The following RBFOX1 variants were observed in gnomAD, a reference collection of about 807,000 sequenced individuals.
The protein encoded by RBFOX1 is RNA binding fox-1 homolog 1, also known as RNA binding protein fox-1 homolog 1.
A neutral mutation model predicts 57.7 loss-of-function variants in RBFOX1; 8 were observed. The ratio of observed to expected loss-of-function variants is 0.14; its 90% CI spans 0.08 to 0.25. The LOEUF (loss-of-function observed/expected upper bound fraction) is 0.25. Among genes scored for constraint, RBFOX1 ranks in the 10% least tolerant of loss-of-function variants. The pLI is 1.00. For synonymous variants in RBFOX1, 326 were observed against 222.4 expected (o/e 1.47, Z -4.15); for missense variants, 611 against 548.5 (o/e 1.11, Z -1.14).
intron 2 of RBFOX1, among the ~76,000 whole-genome samples, chr16:6,598,046 A>G (rs559555777): frequency 2.0e-4 from 31 of 152,352 alleles, no homozygotes; most frequent in African/African-American, 7.2e-4. Context: ...CTTTATGGTT[A>G]TAGTCACTTT....
At chr16:5,527,080 C>T (rs1034198749) in intron 2 of RBFOX1, among the ~76,000 whole-genome samples, 2 of 152,126 alleles carry the variant, frequency 1.3e-5, no homozygotes, top group South Asian at 4.1e-4. Flanking sequence ...ATGATAGAAA[C>T]CCAACTCTCA....
chr16:5,861,555 C>T (rs1207245293), intron 3 of RBFOX1, among the ~76,000 whole-genome samples: 2 of 152,194 alleles, frequency 1.3e-5, no homozygotes, highest in African/African-American at 2.4e-5. Context: ...GAATGAATGT[C>T]CATTGTGTTG....
At chr16:7,185,252 A>G (rs923350092) in intron 4 of RBFOX1, among the ~76,000 whole-genome samples, 1 of 152,196 alleles carries the variant, frequency 6.6e-6, no homozygotes, top group South Asian at 2.1e-4. Flanking sequence ...AATTCTAAAG[A>G]AAGCAAATTG....
intron 12 of RBFOX1, among the ~76,000 whole-genome samples, chr16:7,661,124 G>A (rs940299733): frequency 6.6e-6 from 1 of 152,116 alleles, no homozygotes; most frequent in Non-Finnish European, 1.5e-5. Context: ...ACAATGTTTT[G>A]GTAAAATTGG....
chr16:5,314,907 CA>C (rs1341231634), intron 1 of RBFOX1, among the ~76,000 whole-genome samples: 1 of 149,686 alleles, frequency 6.7e-6, no homozygotes, highest in Non-Finnish European at 1.5e-5. Context: ...ACAACACAGA[CA>C]AAAAATACCG....
At chr16:7,499,863 G>T (rs771963898) in intron 4 of RBFOX1, among the ~76,000 whole-genome samples, 1 of 151,194 alleles carries the variant, frequency 6.6e-6, no homozygotes. Context: ...TATTGGGCCA[G>T]ACTTCTACAC....
Position 5,329,382 on chromosome 16 carries a change from GACTACCC to G in RBFOX1, c.219+89281_219+89287del, listed in dbSNP as rs2064680576. Among the ~76,000 whole-genome samples, 3 of 152,042 alleles carry G rather than the reference GACTACCC, an allele frequency of 2.0e-5. No homozygotes were observed. In the South Asian group the frequency reaches 6.2e-4, roughly 32 times the overall value. On this transcript the variant is annotated intron_variant, in intron 1 of 2. Transcript: ENST00000585867. Reference sequence around the variant, plus strand: ...CAGGAGGAGAGGAGAAAGGGGAAGGGACTACCCACTTTTAAATAACCAGATCTCACAA... The same window carrying G: ...CAGGAGGAGAGGAGAAAGGGGAAGGGACTTTTAAATAACCAGATCTCACAA...
intron 4 of RBFOX1, among the ~76,000 whole-genome samples, chr16:7,058,010 A>AAAAAC (rs2052974433): frequency 6.6e-6 from 1 of 151,320 alleles, no homozygotes; most frequent in Non-Finnish European, 1.5e-5. Flanking sequence ...TGTGGGGAAA[A>AAAAAC]AAAAAAAAAA....
In RBFOX1 at chr16:5,781,249, T is replaced by C. The variant is rs903022667; in HGVS notation, c.319-86054T>C. ...AGGGAGGAAGGGTGCATCCTCTAAG[T>C]GGGGGAAATGGAATTGTACAGTTTC... On this transcript the variant is annotated intron_variant, in intron 3 of 19. Coordinates refer to the RBFOX1 transcript ENST00000641259. Among the ~76,000 whole-genome samples, 5 of 152,046 alleles carry C rather than the reference T, an allele frequency of 3.3e-5. No homozygotes were observed. The East Asian group carries it at 9.6e-4, about 29-fold the overall frequency.
chr16:7,579,657 C>T (rs2093602675), intron 5 of RBFOX1, 120 bp from the exon 6 acceptor site: 1 of 1,263,550 alleles, frequency 7.9e-7, no homozygotes. Flanking sequence ...TCAGCATTTT[C>T]TTCCCTTCTC....
At chr16:5,966,025 A>G (rs1380989162) in intron 4 of RBFOX1, among the ~76,000 whole-genome samples, 1 of 152,202 alleles carries the variant, frequency 6.6e-6, no homozygotes, top group African/African-American at 2.4e-5. Flanking sequence ...TACTTCATGC[A>G]GCAGGTTTTC....
intron 2 of RBFOX1, among the ~76,000 whole-genome samples, chr16:6,529,411 C>T (rs149730083): frequency 2.1e-3 from 318 of 151,938 alleles, no homozygotes; most frequent in Middle Eastern, 0.02. Context: ...ATACAAAAAT[C>T]AGTTGGGTGT....
At chr16:6,534,176 A>T (rs2096703731) in intron 2 of RBFOX1, among the ~76,000 whole-genome samples, 1 of 152,216 alleles carries the variant, frequency 6.6e-6, no homozygotes, top group Admixed American at 6.5e-5. Flanking sequence ...AAATGAATGC[A>T]TAAGTAAGTT....
At chr16:7,172,442 T>C (rs1435612309) in intron 4 of RBFOX1, among the ~76,000 whole-genome samples, 1 of 152,156 alleles carries the variant, frequency 6.6e-6, no homozygotes, top group African/African-American at 2.4e-5. Flanking sequence ...GGATAAAATA[T>C]ACATATTTCT....
intron 4 of RBFOX1, among the ~76,000 whole-genome samples, chr16:7,143,471 C>T (rs1396731022): frequency 1.3e-5 from 2 of 152,080 alleles, no homozygotes; most frequent in Admixed American, 6.6e-5. Context: ...TGTCTGGAGT[C>T]AAGCAGAAAA....
intron 1 of RBFOX1, among the ~76,000 whole-genome samples, chr16:5,400,400 G>A (rs2066682306): frequency 2.0e-5 from 3 of 152,002 alleles, no homozygotes; most frequent in Admixed American, 2.0e-4. Flanking sequence ...GCCACTGCTT[G>A]CTTCTCTCTT....
intron 2 of RBFOX1, among the ~76,000 whole-genome samples, chr16:5,484,684 G>A (rs528783408): frequency 9.5e-4 from 144 of 152,192 alleles, no homozygotes; most frequent in Non-Finnish European, 1.7e-3. Flanking sequence ...AGACTGAGGC[G>A]GGCGGGTCAT....
intron 3 of RBFOX1, among the ~76,000 whole-genome samples, chr16:6,742,841 T>C (rs989482522): frequency 2.3e-4 from 35 of 152,130 alleles, no homozygotes; most frequent in African/African-American, 7.7e-4. Flanking sequence ...AAAAGATGGG[T>C]AGAACTATAA....
intron 3 of RBFOX1, among the ~76,000 whole-genome samples, chr16:6,837,663 GATA>G (rs1188720933): frequency 6.6e-6 from 1 of 152,156 alleles, no homozygotes; most frequent in African/African-American, 2.4e-5. Context: ...GAAAATTGAG[GATA>G]ATAATAGTTT....
Sources: gnomAD v4.1 joint callset for allele counts (sites outside exome capture counted in the v4.1 genomes callset) on GRCh38, gnomAD v4.1.1 for gene constraint, MANE v1.5 for transcripts, NCBI Gene and HGNC (gene_info 2026-07-23, HGNC 2026-07-21) for gene names.